PTPRD: variants seen among roughly 807,000 people sequenced by gnomAD.
PTPRD encodes the protein protein tyrosine phosphatase receptor type D.
PTPRD carries 34 observed loss-of-function variants against 214.5 expected under a neutral mutation model. The observed-to-expected ratio is 0.16, with a 90% CI of 0.12 to 0.21. The LOEUF (loss-of-function observed/expected upper bound fraction) is 0.21. Ranked by LOEUF, PTPRD falls within the 10% of genes least tolerant of loss-of-function variation. PTPRD has a pLI of 1.00. For synonymous variants in PTPRD, 1,128 were observed against 845.7 expected, an observed-to-expected ratio of 1.33 and a Z score of -5.79; for missense variants, 2,545 against 2,398.7, an observed-to-expected ratio of 1.06 and a Z score of -1.27.
intron 7 of PTPRD, among the ~76,000 whole-genome samples, chr9:9,616,787 G>T (rs2094896340): frequency 6.6e-6 from 1 of 151,512 alleles, no homozygotes; most frequent in African/African-American, 2.4e-5. Context: ...AGCTCTCAGG[G>T]CTGCTCTGCC....
chr9:8,673,001 TCCTATATTAAAATGAGCTTATCA>T (rs1398006481), intron 12 of PTPRD, among the ~76,000 whole-genome samples: 1 of 152,144 alleles, frequency 6.6e-6, no homozygotes, highest in Non-Finnish European at 1.5e-5. Flanking sequence ...CCTATCCATT[TCCTATATTAAAATGAGCTTATCA>T]AACCTGCAAA....
At chr9:9,376,901 C>G (rs897280033) in intron 9 of PTPRD, among the ~76,000 whole-genome samples, 3 of 151,568 alleles carry the variant, frequency 2.0e-5, no homozygotes, top group Non-Finnish European at 2.9e-5. Flanking sequence ...TTAATAGACA[C>G]TAAGAAAATT....
chr9:8,450,026 A>G (rs974472981), intron 33 of PTPRD, among the ~76,000 whole-genome samples, 189 bp from the exon 34 acceptor site: 12 of 151,870 alleles, frequency 7.9e-5, no homozygotes, highest in Non-Finnish European at 1.6e-4. Context: ...CAGGTCTAAA[A>G]TTTTTGTTTA....
rs1400451889 is a variant in PTPRD, at chr9:10,246,059, TCTC to T, written c.-545+94901_-545+94903del. Among the ~76,000 whole-genome samples, 3 of 152,070 alleles carry T rather than the reference TCTC, an allele frequency of 2.0e-5. No homozygotes were observed. The East Asian group carries it at 5.8e-4, about 29-fold the overall frequency. On this transcript the variant is annotated intron_variant, in intron 3 of 45. Transcript: ENST00000381196. ...TGGCCTCCCAAGAATGTTTTTTTCT[TCTC>T]CTGCTTTTTAAACCCTCTAGCAATC... is the stretch of plus-strand genomic sequence containing the variant.
intron 11 of PTPRD, among the ~76,000 whole-genome samples, chr9:8,961,609 A>T (rs2099159180): frequency 6.6e-6 from 1 of 152,110 alleles, no homozygotes; most frequent in Non-Finnish European, 1.5e-5. Flanking sequence ...ACATTAACTG[A>T]GCAACCACTG....
At chr9:9,920,571 A>G (rs1410005629) in intron 5 of PTPRD, among the ~76,000 whole-genome samples, 1 of 152,156 alleles carries the variant, frequency 6.6e-6, no homozygotes, top group Non-Finnish European at 1.5e-5. Flanking sequence ...TTAAAGCAAC[A>G]ATAAATTTGT....
intron 2 of PTPRD, among the ~76,000 whole-genome samples, chr9:10,511,459 G>A (rs1411102339): frequency 2.0e-5 from 3 of 151,862 alleles, no homozygotes; most frequent in East Asian, 3.9e-4. Flanking sequence ...GCTGTAGTGC[G>A]ATGGTGCTAT....
intron 3 of PTPRD, among the ~76,000 whole-genome samples, chr9:10,146,485 T>C (rs937833452): frequency 6.6e-6 from 1 of 151,958 alleles, no homozygotes; most frequent in Non-Finnish European, 1.5e-5. Flanking sequence ...CAGGAATCGG[T>C]TGAAATTATG....
intron 2 of PTPRD, among the ~76,000 whole-genome samples, chr9:10,452,412 A>G (rs2098847438): frequency 6.6e-6 from 1 of 151,692 alleles, no homozygotes; most frequent in Non-Finnish European, 1.5e-5. Flanking sequence ...CTTTTTCCAT[A>G]ATGGCTATAC....
intron 9 of PTPRD, among the ~76,000 whole-genome samples, chr9:9,195,450 G>A (rs1003201413): frequency 3.9e-5 from 6 of 152,072 alleles, no homozygotes; most frequent in Admixed American, 6.6e-5. Flanking sequence ...GGTCATATCC[G>A]TAGTAAGCCA....
Position 9,263,979 on chromosome 9 carries a change from A to C in PTPRD, c.-202-80616T>G, listed in dbSNP as rs1053124903. 2.2e-4 allele frequency among the ~76,000 whole-genome samples: 33 copies of C among 151,634 alleles called. 1 individual carries two copies. The highest frequency in any genetic ancestry group is 8.0e-4 in the African/African-American group (33 of 41,366). ...CAAGAGATATGGAAGAGACTCATCC[A>C]TAGAAAAATTTGGAAAGAGCCTCAG... On this transcript the variant is annotated intron_variant, in intron 9 of 45. Transcript: ENST00000381196.
In PTPRD at chr9:10,114,737, C is replaced by T. The variant is rs182213258; in HGVS notation, c.-544-80947G>A. Among the ~76,000 whole-genome samples, 194 of 151,954 alleles carry T rather than the reference C, an allele frequency of 1.3e-3. 1 individual carries two copies. Among genetic ancestry groups the T allele is most frequent in the Non-Finnish European group, 6.5e-4 (44 of 67,938 alleles). On this transcript the variant is annotated intron_variant, in intron 3 of 45. Coordinates refer to ENST00000381196, the MANE Select transcript of PTPRD (RefSeq NM_002839.4). ...CTAAAGACACATGTAATATAGCTAA[C>T]CTTTAAAACAATGCTAATATAGCTC...
chr9:9,284,383 T>G (rs187475944), intron 9 of PTPRD, among the ~76,000 whole-genome samples: 1 of 151,716 alleles, frequency 6.6e-6, no homozygotes, highest in Non-Finnish European at 1.5e-5. Flanking sequence ...GCCATGGTTG[T>G]AAGTTTTATT....
chr9:10,133,632 G>C (rs1165714188), intron 3 of PTPRD, among the ~76,000 whole-genome samples: 19 of 151,966 alleles, frequency 1.3e-4, no homozygotes, highest in Admixed American at 1.2e-3. Flanking sequence ...ATAACTATAA[G>C]TCCACCATAA....
At chr9:9,894,806 C>T (rs78962212) in intron 5 of PTPRD, among the ~76,000 whole-genome samples, 2,377 of 152,032 alleles carry the variant, frequency 0.016, 33 homozygotes, top group Non-Finnish European at 0.018. Flanking sequence ...GTTACATACA[C>T]GGTAATAAGT....
intron 12 of PTPRD, among the ~76,000 whole-genome samples, chr9:8,665,829 G>T (rs971009620): frequency 2.6e-5 from 4 of 152,160 alleles, no homozygotes; most frequent in Non-Finnish European, 5.9e-5. Context: ...ATACTTTACT[G>T]TAACAGTGTC....
intron 33 of PTPRD, among the ~76,000 whole-genome samples, chr9:8,456,029 T>C (rs2096185683): frequency 6.6e-6 from 1 of 152,186 alleles, no homozygotes; most frequent in African/African-American, 2.4e-5. Context: ...ATTGCAACTC[T>C]TGCCAGCCAA....
At chr9:9,682,677 G>A (rs1479814954) in intron 7 of PTPRD, among the ~76,000 whole-genome samples, 1 of 151,688 alleles carries the variant, frequency 6.6e-6, no homozygotes, top group Non-Finnish European at 1.5e-5. Flanking sequence ...AGTACACCAG[G>A]ACATGCTCAG....
At chr9:9,181,929 G>A (rs1263911698) in intron 10 of PTPRD, among the ~76,000 whole-genome samples, 2 of 152,012 alleles carry the variant, frequency 1.3e-5, no homozygotes, top group African/African-American at 4.8e-5. Context: ...AAGATAATGT[G>A]CTTGGAAAAT....
Sources: gnomAD v4.1 joint callset for allele counts (sites outside exome capture counted in the v4.1 genomes callset) on GRCh38, gnomAD v4.1.1 for gene constraint, MANE v1.5 for transcripts, NCBI Gene and HGNC (gene_info 2026-07-23, HGNC 2026-07-21) for gene names.